The following MFSD6 variants were observed in gnomAD, a reference collection of about 807,000 sequenced individuals.
MFSD6 encodes major facilitator superfamily domain containing 6, also known as major facilitator superfamily domain-containing protein 6.
A neutral mutation model predicts 56.3 loss-of-function variants in MFSD6; 26 were observed. The ratio of observed to expected loss-of-function variants is 0.46; its 90% CI spans 0.34 to 0.64. MFSD6 has a LOEUF of 0.64. MFSD6 is among the 30% of genes least tolerant of loss of function. The pLI is 0.01. For synonymous variants in MFSD6, 331 were observed against 366.9 expected, an observed-to-expected ratio of 0.90 and a Z score of 1.12; for missense variants, 750 against 986.2, an observed-to-expected ratio of 0.76 and a Z score of 3.21.
intron 1 of MFSD6, chr2:190,411,128 A>T: frequency 1.0e-6 from 1 of 983,142 alleles, no homozygotes; most frequent in East Asian, 1.1e-4. Context: ...ACAGGCACAC[A>T]TACGCCTTTT....
intron 2 of MFSD6, 125 bp from the exon 3 acceptor site, chr2:190,435,852 G>A: frequency 2.4e-6 from 2 of 842,214 alleles, no homozygotes; most frequent in Non-Finnish European, 3.5e-6. Context: ...AGTGATAAAT[G>A]ATGAGAATTC....
In MFSD6 at chr2:190,492,646, A is replaced by G. The variant is rs1430308457; in HGVS notation, c.1891+2780A>G. Among the ~76,000 whole-genome samples the G allele has an allele frequency of 6.6e-6, 1 of 152,244 alleles. No homozygotes were observed. The highest frequency in any genetic ancestry group is 1.5e-5 in the Non-Finnish European group (1 of 68,040). On this transcript the variant is annotated intron_variant, in intron 6 of 7. Transcript: ENST00000392328. The surrounding 1 kb of genome is among the most constrained non-coding windows in gnomAD (Gnocchi z 5.2). ...AAACCTCTGGGATACAGCAAAGGCA[A>G]TGCTAACAAAACAAAACAATTACCA...
chr2:190,461,721 C>A lies in MFSD6; in HGVS notation c.1533-8037C>A, dbSNP rs1181892049. Among the ~76,000 whole-genome samples the A allele has an allele frequency of 1.3e-5, 2 of 152,194 alleles. No homozygotes were observed. The highest frequency in any genetic ancestry group is 2.9e-5 in the Non-Finnish European group (2 of 68,026). ...TACCCACTCATGAGGGCTCCACTCT[C>A]ATGACTTAATCACCTCCTTCATACT... On this transcript the variant is annotated intron_variant, in intron 3 of 7. Transcript: ENST00000392328. This position sits in a 1 kb window ranked among gnomAD's most constrained non-coding sequence, Gnocchi z 5.5.
At position 190,438,606 on chromosome 2, in the gene MFSD6, T is replaced by G. The variant is rs751336584; in HGVS notation, c.1532+1045T>G. Among the ~76,000 whole-genome samples, 2 of 152,236 alleles carry G rather than the reference T, an allele frequency of 1.3e-5. No individual in the cohort carries two copies. The highest frequency in any genetic ancestry group is 2.4e-5 in the African/African-American group (1 of 41,462). ...TGTGCACCTTGCTCTTTAGAGATCT[T>G]TCTGCTCTGTTGGCTCTAAATGTGG... On this transcript the variant is annotated intron_variant, in intron 3 of 7. Transcript: ENST00000392328. The surrounding 1 kb of genome is among the most constrained non-coding windows in gnomAD (Gnocchi z 5.2).
intron 3 of MFSD6, among the ~76,000 whole-genome samples, chr2:190,444,162 G>A (rs1243028019): frequency 1.3e-5 from 2 of 152,188 alleles, no homozygotes; most frequent in Non-Finnish European, 2.9e-5. Context: ...AAAAACTGTT[G>A]ATTTGATGTC....
At chr2:190,473,664 G>A (rs527981292) in intron 4 of MFSD6, among the ~76,000 whole-genome samples, 10 of 152,210 alleles carry the variant, frequency 6.6e-5, no homozygotes, top group Admixed American at 3.3e-4. Flanking sequence ...ACAGATCAAC[G>A]AGACAGAAAG....
At position 190,457,078 on chromosome 2, in the gene MFSD6, C is replaced by T. The variant is rs771884773; in HGVS notation, c.1533-12680C>T. On this transcript the variant is annotated intron_variant, in intron 3 of 7. Coordinates refer to ENST00000392328, the MANE Select transcript of MFSD6 (RefSeq NM_017694.4). This position sits in a 1 kb window ranked among gnomAD's most constrained non-coding sequence, Gnocchi z 5.1. ...TCTATCTACACTAACACTGCTAGTCCGTTTCTTATGGTCCAATCCAGAGGT... is the reference window on the plus strand; with the variant it reads ...TCTATCTACACTAACACTGCTAGTCTGTTTCTTATGGTCCAATCCAGAGGT... Among the ~76,000 whole-genome samples, 49 of 152,258 alleles carry T rather than the reference C, an allele frequency of 3.2e-4. No individual in the cohort carries two copies. Among genetic ancestry groups the T allele is most frequent in the African/African-American group, 7.0e-4 (29 of 41,540 alleles).
Position 190,437,323 on chromosome 2 carries a change from G to A in MFSD6, c.1294G>A (p.Ala432Thr). The A allele has an allele frequency of 6.2e-7, 1 of 1,614,246 alleles. No homozygotes were observed. Among genetic ancestry groups the A allele is most frequent in the South Asian group, 1.1e-5 (1 of 91,092 alleles). Residue 432 changes from alanine to threonine, a missense_variant, in exon 3 of 8, where the codon GCC becomes ACC. Physicochemically the swap from Ala to Thr is moderately conservative, Grantham distance 58. Coordinates refer to ENST00000392328, the MANE Select transcript of MFSD6 (RefSeq NM_017694.4). The surrounding 1 kb of genome is among the most constrained non-coding windows in gnomAD (Gnocchi z 5.9). ...ETPTTTSHSQ[A>T]FNFWDLIKLL... ...ACCAACCACCACAAGCCACTCGCAGGCCTTCAACTTTTGGGACTTAATCAA... is the reference window on the plus strand; with the variant it reads ...ACCAACCACCACAAGCCACTCGCAGACCTTCAACTTTTGGGACTTAATCAA...
At chr2:190,407,932 C>G (rs779119573), upstream of MFSD6, among the ~76,000 whole-genome samples, 1 of 152,234 alleles carries the variant, frequency 6.6e-6, no homozygotes, top group Non-Finnish European at 1.5e-5. This position sits in a 1 kb window ranked among gnomAD's most constrained non-coding sequence, Gnocchi z 5.4. Flanking sequence ...CTGGCCCGCA[C>G]TCATTGCCTG....
chr2:190,489,853 A>C lies in MFSD6; in HGVS notation c.1878A>C (p.Pro626=), dbSNP rs1183939951. 1 of 1,613,846 alleles carries C rather than the reference A, an allele frequency of 6.2e-7. No homozygotes were observed. The highest frequency in any genetic ancestry group is 8.5e-7 in the Non-Finnish European group (1 of 1,179,852). Residue 626 remains proline (P), a synonymous_variant, in exon 6 of 8, where the codon CCA becomes CCC. Coordinates refer to ENST00000392328, the MANE Select transcript of MFSD6 (RefSeq NM_017694.4). This position sits in a 1 kb window ranked among gnomAD's most constrained non-coding sequence, Gnocchi z 6.6. ...CCCTGATCCAGTGGCTGGCAGTGCCAGATGAGGAAGAAGGTAATTATTTCC... is the reference window on the plus strand; with the variant it reads ...CCCTGATCCAGTGGCTGGCAGTGCCCGATGAGGAAGAAGGTAATTATTTCC... ...LFALIQWLAV[P]DEEEDKTMLA...
At chr2:190,473,111 G>T (rs552082846) in intron 4 of MFSD6, among the ~76,000 whole-genome samples, 1 of 152,048 alleles carries the variant, frequency 6.6e-6, no homozygotes, top group Non-Finnish European at 1.5e-5. Flanking sequence ...AGGAACAACC[G>T]GTACCAGCTA....
At chr2:190,468,157 A>G (rs921294192) in intron 3 of MFSD6, among the ~76,000 whole-genome samples, 7 of 152,190 alleles carry the variant, frequency 4.6e-5, no homozygotes, top group Non-Finnish European at 7.3e-5. Flanking sequence ...AGTTTGTTCA[A>G]TAAAAGTTTC....
chr2:190,432,278 C>T (rs901199482), intron 2 of MFSD6, among the ~76,000 whole-genome samples: 2 of 152,192 alleles, frequency 1.3e-5, no homozygotes, highest in Admixed American at 6.5e-5. Flanking sequence ...CTGGGAACCT[C>T]CTGAAGAAAG....
intron 3 of MFSD6, chr2:190,442,847 T>C (rs981440181): frequency 6.6e-6 from 1 of 152,076 alleles, no homozygotes; most frequent in African/African-American, 2.4e-5. Context: ...GGGATGCAGA[T>C]TTGCAGCAGT....
intron 2 of MFSD6, among the ~76,000 whole-genome samples, chr2:190,430,804 C>A (rs938490105): frequency 6.8e-6 from 1 of 146,336 alleles, no homozygotes; most frequent in South Asian, 2.4e-4. Context: ...AGGCGCCCCC[C>A]CCACCTCCCT....
chr2:190,455,086 C>T (rs562165432), intron 3 of MFSD6, among the ~76,000 whole-genome samples: 7 of 151,936 alleles, frequency 4.6e-5, no homozygotes, highest in African/African-American at 7.3e-5. Context: ...TGCCCAAAGT[C>T]CCTTCTGAGT....
chr2:190,445,745 A>C (rs1686556314), intron 3 of MFSD6, among the ~76,000 whole-genome samples: 1 of 152,036 alleles, frequency 6.6e-6, no homozygotes, highest in African/African-American at 2.4e-5. Context: ...GAATTTTTTT[A>C]AAAAGTTAAG....
In MFSD6 at chr2:190,490,799, T is replaced by C. The variant is rs976008913; in HGVS notation, c.1891+933T>C. On this transcript the variant is annotated intron_variant, in intron 6 of 7. Coordinates refer to ENST00000392328, the MANE Select transcript of MFSD6 (RefSeq NM_017694.4). The surrounding 1 kb of genome is among the most constrained non-coding windows in gnomAD (Gnocchi z 4.5). ...GAGCTCATCTTCTTTGGGTGTCCTA[T>C]CCTTTGCGGAGCATTAGCCTCAGGC... 1.3e-5 allele frequency among the ~76,000 whole-genome samples: 2 copies of C among 152,226 alleles called. No homozygotes were observed. Among genetic ancestry groups the C allele is most frequent in the Admixed American group, 6.5e-5 (1 of 15,278 alleles).
In MFSD6 at chr2:190,444,825, C is replaced by T. The variant is rs539363104; in HGVS notation, c.1532+7264C>T. 5.9e-5 allele frequency: 43 copies of T among 722,924 alleles called. 2 individuals carry two copies. In the South Asian group the frequency reaches 2.5e-3, roughly 41 times the overall value. 44.8% of individuals were successfully genotyped at this position (722,924 alleles called of 1,614,324 possible). ...CCATTTCATTCAGAAACAAGTGTTT[C>T]ATAAAGATAATGTTTTGTGCCCTAT... On this transcript the variant is annotated intron_variant, in intron 3 of 7. Coordinates refer to ENST00000392328, the MANE Select transcript of MFSD6 (RefSeq NM_017694.4).
Sources: gnomAD v4.1 joint callset for allele counts (sites outside exome capture counted in the v4.1 genomes callset) on GRCh38, gnomAD v4.1.1 for gene constraint, Gnocchi (gnomAD v3.1) non-coding constraint, MANE v1.5 for transcripts, NCBI Gene and HGNC (gene_info 2026-07-23, HGNC 2026-07-21) for gene names.